Variants in ATP2B2 observed in about 807,000 individuals in gnomAD.
ATP2B2 encodes the protein ATPase plasma membrane Ca2+ transporting 2, also known as plasma membrane calcium-transporting ATPase 2.
Under a neutral mutation model 120.0 loss-of-function variants are expected in ATP2B2, and 15 were observed. That is an observed-to-expected ratio of 0.12 (90% confidence interval 0.08 to 0.19). The LOEUF is 0.19. ATP2B2 is among the 10% of genes least tolerant of loss of function. ATP2B2 has a pLI of 1.00. For missense variants in ATP2B2, 1,045 were observed against 1,719.8 expected (o/e 0.61, Z 6.94); for synonymous variants, 694 against 700.3 (o/e 0.99, Z 0.14).
At chr3:10,591,774 G>A (rs1361291040) in intron 2 of ATP2B2, among the ~76,000 whole-genome samples, 3 of 152,216 alleles carry the variant, frequency 2.0e-5, no homozygotes, top group African/African-American at 7.2e-5. Flanking sequence ...GATCCCAGAC[G>A]AGGGAGCTTA....
At chr3:10,330,550 G>A (rs761149462) in intron 22 of ATP2B2, among the ~76,000 whole-genome samples, 10 of 152,248 alleles carry the variant, frequency 6.6e-5, no homozygotes, top group Non-Finnish European at 8.8e-5. Flanking sequence ...ACAAGGCGGC[G>A]TTGGCGCCTC....
At chr3:10,479,472 T>C (rs1370261549) in intron 1 of ATP2B2, among the ~76,000 whole-genome samples, 2 of 152,010 alleles carry the variant, frequency 1.3e-5, no homozygotes, top group African/African-American at 2.4e-5. Flanking sequence ...CTGATTTACT[T>C]ACGAAATCAC....
intron 7 of ATP2B2, among the ~76,000 whole-genome samples, chr3:10,385,712 T>C (rs1486269995): frequency 6.6e-6 from 1 of 152,194 alleles, no homozygotes; most frequent in Admixed American, 6.5e-5. Context: ...TGGAAAAATA[T>C]TCACTAGGCA....
intron 2 of ATP2B2, among the ~76,000 whole-genome samples, chr3:10,423,435 C>T (rs570768764): frequency 1.3e-5 from 2 of 152,156 alleles, no homozygotes; most frequent in African/African-American, 4.8e-5. Context: ...CCCACAGACA[C>T]GAGGGAAGGG....
chr3:10,496,662 T>G (rs544846850), intron 1 of ATP2B2, among the ~76,000 whole-genome samples: 11 of 152,186 alleles, frequency 7.2e-5, no homozygotes, highest in African/African-American at 2.2e-4. Flanking sequence ...ACGCAGACAC[T>G]AGCTCCACCC....
At chr3:10,577,553 C>T (rs2068282649) in intron 2 of ATP2B2, among the ~76,000 whole-genome samples, 1 of 152,194 alleles carries the variant, frequency 6.6e-6, no homozygotes, top group Non-Finnish European at 1.5e-5. Flanking sequence ...GCTCCATCAT[C>T]CTCATTAATC....
Position 10,358,823 on chromosome 3 carries a change from C to G in ATP2B2, c.2004G>C (p.Gly668=), listed in dbSNP as rs774273036. Residue 668 remains glycine, a synonymous_variant, in exon 14 of 23, where the codon GGG becomes GGC. Transcript: ENST00000360273. ...GGTAGGCCACGCAGATAGTGCGGAG[C>G]CCATCGCAAGCCATGGGCTCAATCA... ...KKVIEPMACD[G]LRTICVAYRD... The G allele has an allele frequency of 3.7e-6, 6 of 1,614,130 alleles. No individual in the cohort carries two copies. Among genetic ancestry groups the G allele is most frequent in the Non-Finnish European group, 5.1e-6 (6 of 1,180,050 alleles).
intron 2 of ATP2B2, among the ~76,000 whole-genome samples, chr3:10,541,619 CA>C (rs1323348898): frequency 6.6e-6 from 1 of 152,114 alleles, no homozygotes; most frequent in Non-Finnish European, 1.5e-5. Flanking sequence ...CCACCGTGGC[CA>C]GAGAAAATAC....
chr3:10,495,692 C>T (rs946207748), intron 1 of ATP2B2, among the ~76,000 whole-genome samples: 5 of 152,198 alleles, frequency 3.3e-5, no homozygotes, highest in Non-Finnish European at 7.3e-5. Flanking sequence ...AGCCCTGGGT[C>T]CCAGTGCCAG....
intron 1 of ATP2B2, among the ~76,000 whole-genome samples, chr3:10,631,611 G>A (rs1055188225): frequency 1.3e-5 from 2 of 152,168 alleles, no homozygotes; most frequent in Non-Finnish European, 2.9e-5. Flanking sequence ...TGGACATGGT[G>A]GGACAGACCA....
At position 10,329,026 on chromosome 3, in the gene ATP2B2, G is replaced by T; in HGVS notation, c.3520C>A (p.Arg1174=). The T allele has an allele frequency of 6.2e-7, 1 of 1,613,996 alleles. No individual in the cohort carries two copies. Among genetic ancestry groups the T allele is most frequent in the South Asian group, 1.1e-5 (1 of 91,072 alleles). Residue 1174 remains arginine, a synonymous_variant, in exon 23 of 23, where the codon CGG becomes AGG. Coordinates refer to ENST00000360273, the MANE Select transcript of ATP2B2 (RefSeq NM_001001331.4). This position sits in a 1 kb window ranked among gnomAD's most constrained non-coding sequence, Gnocchi z 5.9. ...IHNFMAHPEF[R]IEDSQPHIPL... is the part of the protein sequence containing the mutation. ...ATGTGGGGCTGGGAATCTTCGATCC[G>T]GAATTCAGGATGAGCCATGAAGTTA...
chr3:10,689,794 G>A (rs544508668), intron 1 of ATP2B2, among the ~76,000 whole-genome samples: 2 of 152,320 alleles, frequency 1.3e-5, no homozygotes, highest in South Asian at 2.1e-4. Flanking sequence ...GTGAGTCTCC[G>A]ACCTGGTTTA....
At chr3:10,608,309 A>G (rs1309152239) in intron 2 of ATP2B2, among the ~76,000 whole-genome samples, 1 of 152,260 alleles carries the variant, frequency 6.6e-6, no homozygotes, top group East Asian at 1.9e-4. Flanking sequence ...CTGTAGTCCC[A>G]GCTACTGGGG....
chr3:10,384,335 C>T (rs1232689194), intron 8 of ATP2B2, among the ~76,000 whole-genome samples: 1 of 152,210 alleles, frequency 6.6e-6, no homozygotes, highest in African/African-American at 2.4e-5. Context: ...AGATTTTCCC[C>T]TGCCCTCAGC....
intron 3 of ATP2B2, among the ~76,000 whole-genome samples, chr3:10,529,220 CA>C (rs1257426574): frequency 6.6e-6 from 1 of 152,230 alleles, no homozygotes; most frequent in Non-Finnish European, 1.5e-5. Context: ...GAAACAAAGA[CA>C]GGAGGTGACC....
intron 2 of ATP2B2, among the ~76,000 whole-genome samples, chr3:10,535,111 C>T (rs2067286277): frequency 6.6e-6 from 1 of 151,952 alleles, no homozygotes; most frequent in Non-Finnish European, 1.5e-5. Context: ...CACCGTGTTG[C>T]CAGGCTGGTC....
At chr3:10,703,170 T>C (rs974113042) in intron 1 of ATP2B2, among the ~76,000 whole-genome samples, 1 of 152,172 alleles carries the variant, frequency 6.6e-6, no homozygotes, top group Non-Finnish European at 1.5e-5. Context: ...GCCCGCCCCT[T>C]TCCTGGCTCC....
intron 1 of ATP2B2, among the ~76,000 whole-genome samples, chr3:10,668,305 C>T (rs1169983140): frequency 1.3e-5 from 2 of 152,250 alleles, no homozygotes; most frequent in Admixed American, 1.3e-4. Context: ...CATGGTCACA[C>T]AGCTTGAGAA....
At chr3:10,365,786 G>A (rs372723881) in intron 12 of ATP2B2, among the ~76,000 whole-genome samples, 16 of 28,408 alleles carry the variant, frequency 5.6e-4, no homozygotes, top group South Asian at 2.3e-3. Flanking sequence ...TGTATGGTAC[G>A]TACTGTGTAT....
Sources: gnomAD v4.1 joint callset for allele counts (sites outside exome capture counted in the v4.1 genomes callset) on GRCh38, gnomAD v4.1.1 for gene constraint, Gnocchi (gnomAD v3.1) non-coding constraint, MANE v1.5 for transcripts, NCBI Gene and HGNC (gene_info 2026-07-23, HGNC 2026-07-21) for gene names.